CCDC171: variants seen among roughly 807,000 people sequenced by gnomAD.
CCDC171 encodes coiled-coil domain containing 171, also known as coiled-coil domain-containing protein 171.
CCDC171 carries 177 observed loss-of-function variants against 168.2 expected under a neutral mutation model. That is an observed-to-expected ratio of 1.05 (90% CI 0.93 to 1.19). The LOEUF is 1.19. Among genes scored for constraint, CCDC171 ranks in the 50% most tolerant of loss-of-function variants. CCDC171 has a pLI of 0.00. For missense variants in CCDC171, 1,991 were observed against 1,539.0 expected (o/e 1.29, Z -4.91); for synonymous variants, 687 against 540.8 (o/e 1.27, Z -3.75).
In CCDC171 at chr9:15,733,157, G is replaced by C. The variant is rs191556313; in HGVS notation, c.2049+3359G>C. ...AGATATTTTGCTCAGTTTTTAATTGGATTGTGTGTTTTCTTATCGTCAAAT... is the reference window on the plus strand; with the variant it reads ...AGATATTTTGCTCAGTTTTTAATTGCATTGTGTGTTTTCTTATCGTCAAAT... On this transcript the variant is annotated intron_variant, in intron 16 of 25. Transcript: ENST00000380701. Among the ~76,000 whole-genome samples the C allele has an allele frequency of 5.3e-5, 8 of 152,104 alleles. No individual in the cohort carries two copies. In the East Asian group the frequency reaches 1.2e-3, roughly 22 times the overall value.
intron 11 of CCDC171, among the ~76,000 whole-genome samples, chr9:15,697,452 T>C (rs956523583): frequency 6.6e-6 from 1 of 152,238 alleles, no homozygotes; most frequent in Non-Finnish European, 1.5e-5. Flanking sequence ...ATTTACATCC[T>C]GATTGATTTA....
intron 11 of CCDC171, among the ~76,000 whole-genome samples, chr9:15,719,522 G>A (rs1270988573): frequency 1.3e-5 from 2 of 151,682 alleles, no homozygotes; most frequent in South Asian, 4.2e-4. Context: ...GTACAAGAAG[G>A]TTATAGAACA....
intron 1 of CCDC171, among the ~76,000 whole-genome samples, chr9:16,054,901 C>T (rs1464438908): frequency 6.6e-6 from 1 of 152,170 alleles, no homozygotes; most frequent in African/African-American, 2.4e-5. Flanking sequence ...TATATCCAAA[C>T]ACGCAGGGCG....
At chr9:15,766,763 C>G (rs2056745153) in intron 18 of CCDC171, among the ~76,000 whole-genome samples, 2 of 152,158 alleles carry the variant, frequency 1.3e-5, no homozygotes, top group African/African-American at 4.8e-5. Context: ...CCAAGGGATC[C>G]TCCTGCCTGA....
intron 23 of CCDC171, among the ~76,000 whole-genome samples, chr9:15,861,864 G>A (rs921965734): frequency 2.6e-5 from 4 of 151,916 alleles, no homozygotes; most frequent in East Asian, 1.9e-4. Flanking sequence ...TCATGTTGCT[G>A]TACAGCATTC....
chr9:15,564,253 G>T (rs2039545874), intron 2 of CCDC171, 124 bp downstream of exon 2: 3 of 656,358 alleles, frequency 4.6e-6, no homozygotes, highest in South Asian at 2.2e-5. Flanking sequence ...TAGAAATTCT[G>T]TGGGACTGAA....
chr9:16,093,130 T>C, the CCDC171 span, among the ~76,000 whole-genome samples: 1 of 152,218 alleles, frequency 6.6e-6, no homozygotes, highest in African/African-American at 2.4e-5. Flanking sequence ...ACAAACGATA[T>C]AGCCATTTTC....
intron 1 of CCDC171, among the ~76,000 whole-genome samples, chr9:16,049,675 G>A (rs545778449): frequency 7.3e-4 from 111 of 152,102 alleles, no homozygotes; most frequent in Non-Finnish European, 1.4e-3. Flanking sequence ...AGGCTTTCAA[G>A]TTTGGACAGA....
intron 21 of CCDC171, among the ~76,000 whole-genome samples, chr9:15,811,564 T>G (rs4146293): frequency 0.45 from 69,156 of 151,994 alleles, 15,831 homozygotes; most frequent in South Asian, 0.52. Flanking sequence ...GAAAGCTGCA[T>G]ATGCAATGTA....
In CCDC171 at chr9:15,594,112, G is replaced by C; in HGVS notation, c.615G>C (p.Glu205Asp). The C allele has an allele frequency of 1.3e-6, 2 of 1,535,316 alleles. No individual in the cohort carries two copies. The highest frequency in any genetic ancestry group is 1.8e-6 in the Non-Finnish European group (2 of 1,112,482). ...ESHIRETALE[E>D]FRLQEEQWEA... is the part of the protein sequence containing the mutation. ...ATATCAGGGAGACAGCATTGGAGGA[G>C]TTTAGATTACAAGAAGAACAATGGG... Residue 205 changes from glutamate (E) to aspartate (D), a missense_variant, in exon 6 of 26, where the codon GAG becomes GAC. Glu to Asp is a conservative substitution (Grantham distance 45, BLOSUM62 2). Coordinates refer to ENST00000380701, the MANE Select transcript of CCDC171 (RefSeq NM_173550.4).
At chr9:15,801,859 G>T (rs1832818) in intron 21 of CCDC171, among the ~76,000 whole-genome samples, 141,382 of 152,164 alleles carry the variant, frequency 0.93, 65,806 homozygotes, top group East Asian at 0.98. Flanking sequence ...AAATGCTTCT[G>T]TCAGCATCAA....
chr9:15,840,056 G>A lies in CCDC171; in HGVS notation c.3268-6646G>A, dbSNP rs561679521. Among the ~76,000 whole-genome samples, 18 of 151,978 alleles carry A rather than the reference G, an allele frequency of 1.2e-4. No homozygotes were observed. The East Asian group carries it at 1.5e-3, about 13-fold the overall frequency. ...AGTAGTTAATATATAACATATTCACGTTAAATAATGGCCATTTAAATTCTG... is the reference window on the plus strand; with the variant it reads ...AGTAGTTAATATATAACATATTCACATTAAATAATGGCCATTTAAATTCTG... On this transcript the variant is annotated intron_variant, in intron 21 of 25. Transcript: ENST00000380701.
intron 21 of CCDC171, among the ~76,000 whole-genome samples, chr9:15,827,520 T>C (rs1057172257): frequency 1.3e-5 from 2 of 152,216 alleles, no homozygotes; most frequent in Admixed American, 6.5e-5. Context: ...AACTAGACTT[T>C]AGACCTTCTT....
intron 25 of CCDC171, among the ~76,000 whole-genome samples, chr9:15,969,675 G>A (rs1386248527): frequency 6.6e-6 from 1 of 152,122 alleles, no homozygotes; most frequent in Non-Finnish European, 1.5e-5. Flanking sequence ...AAAGAATACT[G>A]TGGCTATAAC....
intron 11 of CCDC171, among the ~76,000 whole-genome samples, chr9:15,705,197 A>G (rs1413926920): frequency 6.6e-6 from 1 of 152,082 alleles, no homozygotes; most frequent in Admixed American, 6.6e-5. Context: ...TTCATAGTGT[A>G]TATGGATATC....
chr9:16,043,768 A>G (rs777527395), intron 1 of CCDC171, among the ~76,000 whole-genome samples: 1 of 152,224 alleles, frequency 6.6e-6, no homozygotes, highest in Admixed American at 6.5e-5. Context: ...TGTCCATCTC[A>G]TAGTAAATTT....
chr9:16,077,927 A>G, the CCDC171 span, among the ~76,000 whole-genome samples: 1 of 152,218 alleles, frequency 6.6e-6, no homozygotes, highest in African/African-American at 2.4e-5. Flanking sequence ...TTGGCAAAGG[A>G]TACAAATTTG....
chr9:15,848,824 A>C, intron 22 of CCDC171, 69 bp from the exon 23 acceptor site: 1 of 798,286 alleles, frequency 1.3e-6, no homozygotes, highest in Non-Finnish European at 2.0e-6. Context: ...CCAGTGACTT[A>C]TACTAAAATG....
At chr9:16,061,336 A>C (rs1833928535), downstream of CCDC171, 1 of 152,198 alleles carries the variant, frequency 6.6e-6, no homozygotes, top group African/African-American at 2.4e-5. Context: ...AGGTTCCTTG[A>C]GCTCTAACAC....
Sources: allele counts gnomAD v4.1 joint callset (sites outside exome capture counted in the v4.1 genomes callset), GRCh38; gene constraint gnomAD v4.1.1; transcripts MANE v1.5; gene names NCBI Gene and HGNC (gene_info 2026-07-23, HGNC 2026-07-21).